TARS3: variants seen among roughly 807,000 people sequenced by gnomAD.
TARS3 encodes threonine--tRNA ligase 2, cytoplasmic.
TARS3 carries 94 observed loss-of-function variants against 103.5 expected under a neutral mutation model. The ratio of observed to expected loss-of-function variants is 0.91; its 90% CI spans 0.77 to 1.08. The LOEUF is 1.08. Among genes scored for constraint, TARS3 ranks in the 50% least tolerant of loss-of-function variants. The pLI is 0.00. For synonymous variants in TARS3, 416 were observed against 355.4 expected (o/e 1.17, Z -1.92); for missense variants, 952 against 995.2 (o/e 0.96, Z 0.58).
At chr15:101,683,799 T>C (rs1031810165) in intron 12 of TARS3, among the ~76,000 whole-genome samples, 2 of 152,240 alleles carry the variant, frequency 1.3e-5, no homozygotes, top group Non-Finnish European at 2.9e-5. Context: ...TTCTAGGCGA[T>C]ACTGAAAAAC....
In TARS3 at chr15:101,671,494, T is replaced by C. The variant is rs774582243; in HGVS notation, c.1959A>G (p.Thr653=). 42 of 1,600,858 alleles carry C rather than the reference T, an allele frequency of 2.6e-5. No homozygotes were observed. In the Middle Eastern group the frequency reaches 5.1e-4, roughly 19 times the overall value. The change falls in exon 15 of 19, where the codon ACA becomes ACG. Residue 653 remains threonine, a synonymous_variant. Transcript: ENST00000335968. The stretch of plus-strand genomic sequence containing the variant: ...CACATTCAATCACTCACCTAACATA[T>C]GTGAGATTAAATCTAATAGGCAGTT... ...DFQLPIRFNL[T]YVSKDGDDKK...
chr15:101,713,613 G>A (rs973486625), intron 4 of TARS3, among the ~76,000 whole-genome samples: 5 of 152,156 alleles, frequency 3.3e-5, no homozygotes, highest in African/African-American at 7.2e-5. Flanking sequence ...GTTGAGGGAC[G>A]GGGAGGAATC....
intron 3 of TARS3, among the ~76,000 whole-genome samples, chr15:101,715,594 A>G (rs1041242119): frequency 1.3e-5 from 2 of 152,188 alleles, no homozygotes; most frequent in Non-Finnish European, 2.9e-5. Context: ...CCACGCACAC[A>G]TATGTGCTGT....
intron 10 of TARS3, among the ~76,000 whole-genome samples, chr15:101,693,459 C>A (rs1898824219): frequency 1.3e-5 from 2 of 152,152 alleles, no homozygotes; most frequent in African/African-American, 2.4e-5. Context: ...GGCCCCACCC[C>A]TGACCCTTGG....
intron 13 of TARS3, among the ~76,000 whole-genome samples, chr15:101,674,624 G>A (rs1436230330): frequency 6.6e-6 from 1 of 151,992 alleles, no homozygotes; most frequent in Non-Finnish European, 1.5e-5. Context: ...GGCTAACACG[G>A]TGAAGCCCTG....
rs1143136 is a variant in TARS3, at chr15:101,724,273, C to A, written c.115G>T (p.Ala39Ser). Residue 39 changes from alanine (A) to serine (S), a missense_variant, in exon 1 of 19, where the codon GCG becomes TCG. Physicochemically the swap from Ala to Ser is moderately conservative, Grantham distance 99 (BLOSUM62 1). Around this residue, in one of 2 missense-constraint regions of TARS3, gnomAD observed 412 missense variants for 364.2 expected, o/e 1.13. Transcript: ENST00000335968. ...VERLRDEQLN[A>S]PYSCQAEGPC... Reference sequence around the variant, plus strand: ...CCCTCCGCCTGGCAGCTGTAGGGCGCGTTCAGCTGCTCGTCCCTCAGGCGC... The same window carrying A: ...CCCTCCGCCTGGCAGCTGTAGGGCGAGTTCAGCTGCTCGTCCCTCAGGCGC... 366,415 of 1,568,892 alleles carry A rather than the reference C, an allele frequency of 0.23. 44,930 individuals carry two copies. Among genetic ancestry groups the A allele is most frequent in the African/African-American group, 0.26 (18,787 of 71,908 alleles).
intron 12 of TARS3, among the ~76,000 whole-genome samples, chr15:101,676,650 C>T (rs1898038021): frequency 6.6e-6 from 1 of 151,724 alleles, no homozygotes; most frequent in Admixed American, 6.6e-5. Flanking sequence ...AGGTGCTCGC[C>T]ACCATGCTCG....
chr15:101,721,979 A>C (rs561941973), intron 2 of TARS3, among the ~76,000 whole-genome samples: 1 of 152,358 alleles, frequency 6.6e-6, no homozygotes, highest in East Asian at 1.9e-4. Flanking sequence ...AGCTAATCTA[A>C]GTGTTCTGAG....
At chr15:101,716,321 A>G (rs1000678806) in intron 3 of TARS3, among the ~76,000 whole-genome samples, 1 of 152,202 alleles carries the variant, frequency 6.6e-6, no homozygotes, top group Non-Finnish European at 1.5e-5. Flanking sequence ...TGACAAAATT[A>G]CAAGTTAAGA....
intron 12 of TARS3, 56 bp from the exon 13 acceptor site, chr15:101,675,793 A>T (rs1175741432): frequency 2.0e-6 from 3 of 1,535,970 alleles, no homozygotes; most frequent in African/African-American, 2.8e-5. Flanking sequence ...TTTATGTTTT[A>T]AAAAATACAA....
chr15:101,711,023 G>A (rs1195015051), intron 5 of TARS3, among the ~76,000 whole-genome samples: 2 of 152,136 alleles, frequency 1.3e-5, no homozygotes, highest in Non-Finnish European at 2.9e-5. Flanking sequence ...TTCAAGCATA[G>A]GCCTATGGAA....
chr15:101,717,312 G>C (rs913228577), intron 3 of TARS3, among the ~76,000 whole-genome samples: 1 of 152,002 alleles, frequency 6.6e-6, no homozygotes, highest in Admixed American at 6.6e-5. Flanking sequence ...TACAAAATAG[G>C]GATTATAGGA....
intron 5 of TARS3, among the ~76,000 whole-genome samples, chr15:101,710,284 C>G (rs1456660658): frequency 6.6e-6 from 1 of 152,172 alleles, no homozygotes; most frequent in Non-Finnish European, 1.5e-5. Flanking sequence ...TCATCTCTAT[C>G]CTTTGTAACA....
At chr15:101,693,984 T>C (rs966209148) in intron 10 of TARS3, among the ~76,000 whole-genome samples, 1 of 152,028 alleles carries the variant, frequency 6.6e-6, no homozygotes, top group Non-Finnish European at 1.5e-5. Context: ...TTCTGCATGT[T>C]ATCAAAAAGG....
chr15:101,660,679 G>A (rs114853765), intron 16 of TARS3, among the ~76,000 whole-genome samples: 1 of 152,178 alleles, frequency 6.6e-6, no homozygotes, highest in African/African-American at 2.4e-5. Flanking sequence ...ACCATCCCGG[G>A]GGATCACAAT....
chr15:101,680,916 GA>G (rs1410469760), intron 12 of TARS3, among the ~76,000 whole-genome samples: 1 of 152,024 alleles, frequency 6.6e-6, no homozygotes, highest in Non-Finnish European at 1.5e-5. Flanking sequence ...TTTTATTCTA[GA>G]AGTTTTGTAT....
At position 101,690,011 on chromosome 15, in the gene TARS3, G is replaced by A. The variant is rs117029826; in HGVS notation, c.1321-3949C>T. ...CATTCTTACATGAAGGGCACTCATG[G>A]TGGCCAATGGCACGATTCAGATTTA... On this transcript the variant is annotated intron_variant, in intron 10 of 18. Coordinates refer to ENST00000335968, the MANE Select transcript of TARS3 (RefSeq NM_152334.3). Among the ~76,000 whole-genome samples, 893 of 152,276 alleles carry A rather than the reference G, an allele frequency of 5.9e-3. 8 individuals are homozygous for A. The highest frequency in any genetic ancestry group is 0.01 in the Admixed American group (156 of 15,300).
chr15:101,664,012 A>T (rs1290364574), intron 15 of TARS3, among the ~76,000 whole-genome samples: 4 of 152,012 alleles, frequency 2.6e-5, no homozygotes, highest in Admixed American at 1.3e-4. Context: ...TTAGGGAAAA[A>T]CCCTTACTCA....
At chr15:101,702,120 A>G in intron 9 of TARS3, 119 bp downstream of exon 9, 1 of 1,259,062 alleles carries the variant, frequency 7.9e-7, no homozygotes, top group Non-Finnish European at 1.1e-6. Context: ...TGTGAGTGCC[A>G]GCAAAATAGG....
Sources: gnomAD v4.1 joint callset for allele counts (sites outside exome capture counted in the v4.1 genomes callset) on GRCh38, gnomAD v4.1.1 for gene constraint, gnomAD v4.1.1 regional missense constraint, MANE v1.5 for transcripts, NCBI Gene and HGNC (gene_info 2026-07-23, HGNC 2026-07-21) for gene names.